Variants in RASAL2 observed in about 807,000 individuals in gnomAD.
RASAL2 encodes the protein ras GTPase-activating protein nGAP.
In RASAL2, 58 loss-of-function variants were observed where a neutral mutation model predicts 128.9. That is an observed-to-expected ratio of 0.45 (90% CI 0.36 to 0.56). The LOEUF is 0.56. Among genes scored for constraint, RASAL2 ranks in the 20% least tolerant of loss-of-function variants. The pLI is 0.00. For missense variants in RASAL2, 1,360 were observed against 1,601.6 expected (o/e 0.85, Z 2.57); for synonymous variants, 561 against 580.8 (o/e 0.97, Z 0.49).
intron 3 of RASAL2, among the ~76,000 whole-genome samples, chr1:178,368,304 GGTT>G (rs1179932690): frequency 1.3e-5 from 2 of 152,134 alleles, no homozygotes; most frequent in Non-Finnish European, 2.9e-5. Flanking sequence ...TATCTCACGT[GGTT>G]GTTGTTTAAG....
intron 1 of RASAL2, among the ~76,000 whole-genome samples, chr1:178,186,714 G>A (rs1194295090): frequency 1.3e-5 from 2 of 151,968 alleles, no homozygotes; most frequent in Admixed American, 6.6e-5. Flanking sequence ...GTGTCTTGGT[G>A]TGGTTTTCTT....
rs1025019552 is a variant in RASAL2 at position 178,315,231 on chromosome 1, A to G, written c.457+15113A>G. On this transcript the variant is annotated intron_variant, in intron 3 of 17. Transcript: ENST00000367649. ...TGGTTCCAAGTCTTTGCTATTGTGA[A>G]TAATGCCGCAATAACCATACATGTG... Among the ~76,000 whole-genome samples the G allele has an allele frequency of 6.1e-4, 91 of 149,356 alleles. 1 individual carries two copies. Among genetic ancestry groups the G allele is most frequent in the African/African-American group, 2.2e-3 (88 of 39,360 alleles).
intron 1 of RASAL2, among the ~76,000 whole-genome samples, chr1:178,149,407 T>C (rs1051822719): frequency 1.3e-5 from 2 of 152,124 alleles, no homozygotes; most frequent in Non-Finnish European, 2.9e-5. Flanking sequence ...TAAAATACTC[T>C]AAAATTGTTG....
At chr1:178,452,862 C>T (rs1677481595) in intron 11 of RASAL2, among the ~76,000 whole-genome samples, 1 of 152,116 alleles carries the variant, frequency 6.6e-6, no homozygotes, top group African/African-American at 2.4e-5. Flanking sequence ...GGAATATTTG[C>T]AGGCACTACA....
intron 1 of RASAL2, among the ~76,000 whole-genome samples, chr1:178,176,547 A>G (rs1661898915): frequency 6.6e-6 from 1 of 151,562 alleles, no homozygotes; most frequent in African/African-American, 2.4e-5. Flanking sequence ...TCTTCTTAAT[A>G]CTTGCTTTGG....
intron 1 of RASAL2, among the ~76,000 whole-genome samples, chr1:178,105,801 T>C (rs1011504652): frequency 1.1e-4 from 17 of 151,872 alleles, no homozygotes; most frequent in African/African-American, 4.1e-4. Flanking sequence ...TCCCACCAAG[T>C]AGGTGCTACT....
intron 3 of RASAL2, among the ~76,000 whole-genome samples, chr1:178,352,855 C>T (rs1670590799): frequency 6.6e-6 from 1 of 152,258 alleles, no homozygotes; most frequent in Admixed American, 6.5e-5. Flanking sequence ...CTTGTACTGT[C>T]TGAAGCAGCA....
intron 1 of RASAL2, among the ~76,000 whole-genome samples, chr1:178,151,543 G>A (rs531923407): frequency 6.6e-6 from 1 of 152,298 alleles, no homozygotes; most frequent in East Asian, 1.9e-4. Flanking sequence ...TCGCTAAGCG[G>A]TTCAGTATTG....
intron 1 of RASAL2, among the ~76,000 whole-genome samples, chr1:178,268,874 C>T (rs1227405660): frequency 1.3e-5 from 2 of 152,168 alleles, no homozygotes; most frequent in African/African-American, 4.8e-5. Flanking sequence ...TAGTTATCAA[C>T]CTCCTATTCT....
intron 1 of RASAL2, among the ~76,000 whole-genome samples, chr1:178,197,890 C>G (rs553696177): frequency 6.6e-6 from 1 of 152,096 alleles, no homozygotes; most frequent in Non-Finnish European, 1.5e-5. Context: ...TGATGTTCCC[C>G]GCCCTGTGTC....
chr1:178,274,204 G>A (rs915695690), intron 1 of RASAL2, among the ~76,000 whole-genome samples: 5 of 152,090 alleles, frequency 3.3e-5, no homozygotes, highest in Non-Finnish European at 5.9e-5. Flanking sequence ...CACAGCATTG[G>A]TTGTGTAACC....
intron 1 of RASAL2, among the ~76,000 whole-genome samples, chr1:178,149,938 A>G (rs1660858441): frequency 6.6e-6 from 1 of 152,104 alleles, no homozygotes; most frequent in Non-Finnish European, 1.5e-5. Context: ...CACAACCCCC[A>G]GTATATAAAT....
intron 1 of RASAL2, among the ~76,000 whole-genome samples, chr1:178,179,653 G>A (rs1048947978): frequency 6.6e-6 from 1 of 152,182 alleles, no homozygotes. Flanking sequence ...TTATCAAAAT[G>A]GCAGCAGTCG....
At chr1:178,367,538 A>T (rs751349638) in intron 3 of RASAL2, among the ~76,000 whole-genome samples, 5 of 152,152 alleles carry the variant, frequency 3.3e-5, no homozygotes, top group Non-Finnish European at 5.9e-5. Context: ...TTTTGTTCAC[A>T]ACTGTATGTG....
intron 3 of RASAL2, among the ~76,000 whole-genome samples, chr1:178,344,939 A>G (rs1052177976): frequency 6.6e-6 from 1 of 152,186 alleles, no homozygotes; most frequent in South Asian, 2.1e-4. Flanking sequence ...AATTGTGGGT[A>G]TGATCTCAGC....
chr1:178,192,186 G>A (rs757403575), intron 1 of RASAL2, among the ~76,000 whole-genome samples: 7 of 152,144 alleles, frequency 4.6e-5, no homozygotes, highest in East Asian at 1.9e-4. Context: ...CCAGAGTTTC[G>A]TGGTACTCTG....
chr1:178,113,603 A>C (rs1352172079), intron 1 of RASAL2, among the ~76,000 whole-genome samples: 1 of 148,436 alleles, frequency 6.7e-6, no homozygotes, highest in Admixed American at 6.8e-5. Context: ...GGCTGGTCTG[A>C]AACTCCTGGC....
chr1:178,226,781 A>G (rs1448131042), intron 1 of RASAL2, among the ~76,000 whole-genome samples: 21 of 152,118 alleles, frequency 1.4e-4, no homozygotes, highest in Admixed American at 1.4e-3. Context: ...TCCCTACAAA[A>G]ATACAAAAAC....
chr1:178,411,915 G>T (rs1674414826), intron 4 of RASAL2: 2 of 669,046 alleles, frequency 3.0e-6, no homozygotes, highest in South Asian at 3.4e-5. Flanking sequence ...CAGAGCCCTT[G>T]CCCGCTTGAG....
Sources: gnomAD v4.1 joint callset for allele counts (sites outside exome capture counted in the v4.1 genomes callset) on GRCh38, gnomAD v4.1.1 for gene constraint, MANE v1.5 for transcripts, NCBI Gene and HGNC (gene_info 2026-07-23, HGNC 2026-07-21) for gene names.